Variants in CSMD1 observed in about 807,000 individuals in gnomAD.
CSMD1 encodes the protein CUB and Sushi multiple domains 1.
In CSMD1, 213 loss-of-function variants were observed where a neutral mutation model predicts 417.5. The ratio of observed to expected loss-of-function variants is 0.51; its 90% confidence interval spans 0.46 to 0.57. The LOEUF (loss-of-function observed/expected upper bound fraction) is 0.57, where lower values mean the gene tolerates loss of function less well. CSMD1 is among the 20% of genes least tolerant of loss of function. CSMD1 has a pLI of 0.00. For synonymous variants in CSMD1, 2,862 were observed against 1,736.8 expected, an observed-to-expected ratio of 1.65 and a Z score of -16.11; for missense variants, 6,923 against 4,529.7, an observed-to-expected ratio of 1.53 and a Z score of -15.17.
At chr8:4,483,985 A>G (rs981404064) in intron 2 of CSMD1, among the ~76,000 whole-genome samples, 2 of 152,272 alleles carry the variant, frequency 1.3e-5, no homozygotes, top group Non-Finnish European at 2.9e-5. Context: ...GAGAGAGCAC[A>G]GCCCTGGGAG....
intron 51 of CSMD1, among the ~76,000 whole-genome samples, chr8:3,024,234 A>C (rs1809680829): frequency 6.8e-6 from 1 of 146,482 alleles, no homozygotes; most frequent in Non-Finnish European, 1.5e-5. Context: ...AAAATGAATT[A>C]ATGTGTTTAT....
intron 1 of CSMD1, among the ~76,000 whole-genome samples, chr8:4,785,312 C>T (rs901698459): frequency 1.3e-5 from 2 of 152,070 alleles, no homozygotes; most frequent in African/African-American, 4.8e-5. Context: ...TACTGGGGTG[C>T]AAAGCATTGG....
Position 4,319,462 on chromosome 8 carries a change from C to T in CSMD1, c.415+100491G>A, listed in dbSNP as rs535629735. On this transcript the variant is annotated intron_variant, in intron 3 of 69. Coordinates refer to ENST00000635120, the MANE Select transcript of CSMD1 (RefSeq NM_033225.6). The stretch of plus-strand genomic sequence containing the variant: ...TTCCAAAATCCAAATAATAGCTACT[C>T]CTTCTTAAGGCTTTGCTAGGATAGC... Among the ~76,000 whole-genome samples the T allele has an allele frequency of 7.9e-5, 12 of 152,226 alleles. No homozygotes were observed. In the South Asian group the frequency reaches 2.5e-3, roughly 32 times the overall value.
chr8:4,301,717 G>C (rs142053222), intron 3 of CSMD1, among the ~76,000 whole-genome samples: 5 of 152,164 alleles, frequency 3.3e-5, no homozygotes, highest in African/African-American at 1.2e-4. Context: ...GATGTGCATA[G>C]TCTGTTGCTG....
chr8:3,759,493 G>A (rs1045113677), intron 5 of CSMD1, among the ~76,000 whole-genome samples: 5 of 152,116 alleles, frequency 3.3e-5, no homozygotes, highest in African/African-American at 9.7e-5. Context: ...AGGCCTGCTG[G>A]ATTTGGTTTT....
intron 12 of CSMD1, among the ~76,000 whole-genome samples, chr8:3,447,937 T>G (rs925996379): frequency 8.5e-5 from 13 of 152,112 alleles, no homozygotes; most frequent in African/African-American, 3.1e-4. Context: ...CTCTGTCATT[T>G]ACAGACACCC....
At chr8:4,824,737 C>G (rs1021479697) in intron 1 of CSMD1, among the ~76,000 whole-genome samples, 2 of 152,146 alleles carry the variant, frequency 1.3e-5, no homozygotes, top group Non-Finnish European at 2.9e-5. Flanking sequence ...TGGAATAACA[C>G]TGCTGGAACT....
chr8:3,646,941 A>C (rs568791922), intron 7 of CSMD1, among the ~76,000 whole-genome samples: 1 of 152,274 alleles, frequency 6.6e-6, no homozygotes, highest in African/African-American at 2.4e-5. Context: ...TAAAACCTCA[A>C]CAATGATGCA....
At chr8:4,749,181 A>G (rs918570375) in intron 1 of CSMD1, among the ~76,000 whole-genome samples, 9 of 152,234 alleles carry the variant, frequency 5.9e-5, no homozygotes, top group African/African-American at 1.9e-4. Flanking sequence ...CTATTGATTG[A>G]TATGGATTAG....
intron 5 of CSMD1, among the ~76,000 whole-genome samples, chr8:3,844,977 T>C (rs1307813589): frequency 1.3e-5 from 2 of 152,212 alleles, no homozygotes; most frequent in Non-Finnish European, 2.9e-5. Flanking sequence ...AGATGTGATA[T>C]GCAGATACTG....
At chr8:4,486,174 TACATAC>T (rs1249830202) in intron 2 of CSMD1, among the ~76,000 whole-genome samples, 1 of 17,428 alleles carries the variant, frequency 5.7e-5, no homozygotes, top group African/African-American at 3.5e-4. Context: ...TATATATATA[TACATAC>T]ATATATATAT....
chr8:4,962,830 T>G (rs1294462709), intron 1 of CSMD1, among the ~76,000 whole-genome samples: 1 of 152,178 alleles, frequency 6.6e-6, no homozygotes, highest in African/African-American at 2.4e-5. Context: ...ATCTCCATTT[T>G]TAGACCTCTT....
chr8:4,788,798 A>G (rs1797543368), intron 1 of CSMD1, among the ~76,000 whole-genome samples: 1 of 152,232 alleles, frequency 6.6e-6, no homozygotes, highest in African/African-American at 2.4e-5. Context: ...TTAACTTAAC[A>G]TGACATCTGC....
At chr8:4,075,110 G>C (rs953636621) in intron 3 of CSMD1, among the ~76,000 whole-genome samples, 1 of 152,042 alleles carries the variant, frequency 6.6e-6, no homozygotes, top group Non-Finnish European at 1.5e-5. Context: ...GAACAAAGTT[G>C]AATACAGTAA....
intron 8 of CSMD1, among the ~76,000 whole-genome samples, chr8:3,593,052 G>T (rs540099187): frequency 1.3e-5 from 2 of 152,254 alleles, no homozygotes; most frequent in East Asian, 1.9e-4. Context: ...AGCCCTGGCT[G>T]GGGGGTCCTG....
At chr8:3,395,525 A>G (rs1006619409) in intron 17 of CSMD1, among the ~76,000 whole-genome samples, 2 of 152,228 alleles carry the variant, frequency 1.3e-5, no homozygotes, top group African/African-American at 4.8e-5. Context: ...TAAAACTTTG[A>G]TTTCAGTAAA....
At chr8:3,275,654 C>T (rs917709164) in intron 26 of CSMD1, among the ~76,000 whole-genome samples, 3 of 152,100 alleles carry the variant, frequency 2.0e-5, no homozygotes, top group African/African-American at 7.2e-5. Context: ...CTCTAAACTT[C>T]CCTTCTCGCT....
At chr8:4,252,667 T>C (rs1014445129) in intron 3 of CSMD1, among the ~76,000 whole-genome samples, 3 of 152,214 alleles carry the variant, frequency 2.0e-5, no homozygotes, top group African/African-American at 7.2e-5. Context: ...GAACAGGCTT[T>C]TATGTGGAGT....
chr8:4,463,214 A>T (rs1455679291), intron 2 of CSMD1, among the ~76,000 whole-genome samples: 1 of 152,194 alleles, frequency 6.6e-6, no homozygotes, highest in Non-Finnish European at 1.5e-5. Flanking sequence ...CATCAAGGAA[A>T]TGCAAATCAA....
Sources: allele counts gnomAD v4.1 joint callset (sites outside exome capture counted in the v4.1 genomes callset), GRCh38; gene constraint gnomAD v4.1.1; transcripts MANE v1.5; gene names NCBI Gene and HGNC (gene_info 2026-07-23, HGNC 2026-07-21).